The following IKBKB variants were observed in gnomAD, a reference collection of about 807,000 sequenced individuals.
IKBKB encodes the protein inhibitor of nuclear factor kappa-B kinase subunit beta.
A neutral mutation model predicts 113.6 loss-of-function variants in IKBKB; 42 were observed. The ratio of observed to expected loss-of-function variants is 0.37; its 90% confidence interval spans 0.29 to 0.48. The LOEUF is 0.48. Among genes scored for constraint, IKBKB ranks in the 20% least tolerant of loss-of-function variants. IKBKB has a pLI of 0.99. For synonymous variants in IKBKB, 296 were observed against 361.3 expected, an observed-to-expected ratio of 0.82 and a Z score of 2.05; for missense variants, 673 against 939.7, an observed-to-expected ratio of 0.72 and a Z score of 3.71.
chr8:42,272,620 C>T (rs959159559), intron 2 of IKBKB, among the ~76,000 whole-genome samples: 2 of 152,022 alleles, frequency 1.3e-5, no homozygotes, highest in Non-Finnish European at 2.9e-5. Context: ...CATAGCAAGA[C>T]CTCGTCTCTA....
intron 5 of IKBKB, among the ~76,000 whole-genome samples, chr8:42,299,203 G>A (rs17875745): frequency 8.8e-4 from 134 of 152,258 alleles, no homozygotes; most frequent in Middle Eastern, 3.4e-3. Flanking sequence ...CCAAGTGTCC[G>A]TGTCGAACCT....
chr8:42,308,008 C>T (rs921454560), intron 7 of IKBKB, among the ~76,000 whole-genome samples: 3 of 152,228 alleles, frequency 2.0e-5, no homozygotes, highest in Admixed American at 6.5e-5. Context: ...GCCCCTTCTT[C>T]GGTCACCCCA....
chr8:42,309,103 G>A lies in IKBKB; in HGVS notation c.692+78G>A, dbSNP rs774116892. 5.5e-5 allele frequency: 81 copies of A among 1,465,522 alleles called. 1 individual carries two copies. The highest frequency in any genetic ancestry group is 3.8e-4 in the South Asian group (30 of 79,388). The allele number at this position is 1,465,522 out of a possible 1,614,324, so 90.8% of individuals were successfully genotyped here. A position where few individuals can be genotyped will look rare whatever the true frequency, so the allele number is the denominator to read the frequency against. On this transcript the variant is annotated intron_variant, in intron 8 of 21. Transcript: ENST00000520810. ...TCTTCACGTACCCTGTTTCCCTGGC[G>A]CCCCATCACCGGGCCTGGGAGATCT...
chr8:42,305,101 G>A, intron 5 of IKBKB, 86 bp from the exon 6 acceptor site: 1 of 870,902 alleles, frequency 1.1e-6, no homozygotes, highest in South Asian at 1.4e-5. Flanking sequence ...TCAGGGGCAT[G>A]CGGCATTTAT....
chr8:42,277,120 C>T (rs559947840), intron 2 of IKBKB, among the ~76,000 whole-genome samples: 2 of 151,472 alleles, frequency 1.3e-5, no homozygotes, highest in African/African-American at 2.4e-5. Flanking sequence ...TCCGCCTGCT[C>T]GGCCTCCCAA....
At position 42,331,787 on chromosome 8, in the gene IKBKB, C is replaced by CCTG; in HGVS notation, c.*808_*809insCTG. 3.3e-6 allele frequency: 1 copy of CCTG among 301,468 alleles called. No homozygotes were observed. Among genetic ancestry groups the CCTG allele is most frequent in the South Asian group, 3.3e-5 (1 of 30,042 alleles). 18.7% of individuals were successfully genotyped at this position (301,468 alleles called of 1,614,324 possible). On this transcript the variant is annotated 3_prime_UTR_variant, in exon 22 of 22. Coordinates refer to ENST00000520810, the MANE Select transcript of IKBKB (RefSeq NM_001556.3). Reference sequence around the variant, plus strand: ...AGAGGAGGGACAGAAAGGGTATCTGCTGACCACCAGCCTGCCTACCCATGC... The same window carrying CCTG: ...AGAGGAGGGACAGAAAGGGTATCTGCCTGTGACCACCAGCCTGCCTACCCATGC...
chr8:42,296,186 ATCT>A (rs1343513648), intron 5 of IKBKB, among the ~76,000 whole-genome samples: 3 of 152,210 alleles, frequency 2.0e-5, no homozygotes, highest in Non-Finnish European at 4.4e-5. Context: ...GCAGTATATA[ATCT>A]TCTCTATAAA....
chr8:42,288,927 CA>C (rs1191362941), intron 3 of IKBKB, among the ~76,000 whole-genome samples, 199 bp downstream of exon 3: 1 of 152,072 alleles, frequency 6.6e-6, no homozygotes, highest in East Asian at 1.9e-4. Flanking sequence ...ACTAAAAATA[CA>C]AAAAATTAGC....
intron 4 of IKBKB, among the ~76,000 whole-genome samples, chr8:42,291,668 T>A (rs560832773): frequency 2.2e-4 from 33 of 151,888 alleles, no homozygotes; most frequent in African/African-American, 3.6e-4. Context: ...TAAAAAAAAA[T>A]TTTTTTTTCC....
At chr8:42,289,309 A>AG (rs1812080582) in intron 3 of IKBKB, among the ~76,000 whole-genome samples, 1 of 152,228 alleles carries the variant, frequency 6.6e-6, no homozygotes, top group Non-Finnish European at 1.5e-5. Flanking sequence ...AAGACACCAG[A>AG]GGAAGAGCAG....
At chr8:42,306,314 C>T in intron 6 of IKBKB, 29 bp from the exon 7 acceptor site, 1 of 1,359,376 alleles carries the variant, frequency 7.4e-7, no homozygotes, top group African/African-American at 1.4e-5. Context: ...TTCTTATAAC[C>T]CTCAGCTTTC....
At chr8:42,321,573 G>A (rs1264552004) in intron 16 of IKBKB, 4 of 261,878 alleles carry the variant, frequency 1.5e-5, no homozygotes, top group Non-Finnish European at 2.9e-5. Context: ...CAATGCTGGA[G>A]TGCAGTGGCA....
In IKBKB at chr8:42,271,368, T is replaced by G; in HGVS notation, c.-120T>G. On this transcript the variant is annotated 5_prime_UTR_variant, in exon 1 of 22. Transcript: ENST00000520810. ...CTGCCCGCGTTAAGATTCCCGCATTTTAATGTTTTCAGGGGGGTGTCATAG... is the reference window on the plus strand; with the variant it reads ...CTGCCCGCGTTAAGATTCCCGCATTGTAATGTTTTCAGGGGGGTGTCATAG... 6.7e-7 allele frequency: 1 copy of G among 1,488,396 alleles called. No individual in the cohort carries two copies. The highest frequency in any genetic ancestry group is 9.1e-7 in the Non-Finnish European group (1 of 1,104,376). The allele number at this position is 1,488,396 out of a possible 1,614,324, so 92.2% of individuals were successfully genotyped here.
Position 42,305,288 on chromosome 8 carries a change from C to G in IKBKB, c.477+13C>G. The stretch of plus-strand genomic sequence containing the variant: ...AGGAGAACAGAGGGTAAGTGACCTC[C>G]TGGGACTGGGAAAGCCTCAGGTGGG... On this transcript the variant is annotated intron_variant, in intron 6 of 21. Transcript: ENST00000520810. 1.3e-6 allele frequency: 2 copies of G among 1,577,442 alleles called. No homozygotes were observed. The highest frequency in any genetic ancestry group is 1.7e-6 in the Non-Finnish European group (2 of 1,147,024).
At chr8:42,287,951 C>A (rs960150611) in intron 2 of IKBKB, among the ~76,000 whole-genome samples, 1 of 152,096 alleles carries the variant, frequency 6.6e-6, no homozygotes, top group Non-Finnish European at 1.5e-5. Context: ...TCAGCAGTGT[C>A]CCATGGGTCA....
chr8:42,322,370 AG>A lies in IKBKB; in HGVS notation c.1864del (p.Ala622ArgfsTer12). On this transcript the variant is annotated frameshift_variant, in exon 19 of 22. Coordinates refer to ENST00000520810, the MANE Select transcript of IKBKB (RefSeq NM_001556.3). LOFTEE classifies it high-confidence loss of function. ...AGTAAAACTGTGGTTTGCAAGCAGA[AG>A]GCGCTGGAACTGTTGCCCAAGGTGG... ...QLSKTVVCKQ[K>X]ALELLPKVEE... The A allele has an allele frequency of 6.2e-7, 1 of 1,613,866 alleles. No individual in the cohort carries two copies. The highest frequency in any genetic ancestry group is 8.5e-7 in the Non-Finnish European group (1 of 1,179,992).
rs1021302959 is a variant in IKBKB at position 42,303,120 on chromosome 8, TGA to T, written c.389-2051_389-2050del. Among the ~76,000 whole-genome samples the T allele has an allele frequency of 9.1e-4, 58 of 63,656 alleles. 2 individuals carry two copies. In the South Asian group the frequency reaches 0.012, roughly 13 times the overall value. 41.8% of individuals were successfully genotyped at this position (63,656 alleles called of 152,430 possible). ...GAGAGAGAGAGAGAGAGAGAGAGAA[TGA>T]GAGAGAGAGAGAGAGGAGAGAGAAT... On this transcript the variant is annotated intron_variant, in intron 5 of 21. Transcript: ENST00000520810.
chr8:42,292,018 G>T (rs962266379), intron 4 of IKBKB, among the ~76,000 whole-genome samples: 4 of 152,168 alleles, frequency 2.6e-5, no homozygotes, highest in Admixed American at 6.5e-5. Context: ...TGCTGGAGTG[G>T]CTCTCCCTGG....
chr8:42,330,962 C>T lies in IKBKB; in HGVS notation c.2254C>T (p.Leu752=). ...GACGGAAGAAGAAGAGCACAGCTGC[C>T]TGGAGCAGGCCTCATGATGTGGGGG... The part of the protein sequence containing the change: ...LQTEEEEHSC[L]EQAS Residue 752 remains leucine (L), a synonymous_variant, in exon 22 of 22, where the codon CTG becomes TTG. Coordinates refer to ENST00000520810, the MANE Select transcript of IKBKB (RefSeq NM_001556.3). 2 of 1,614,192 alleles carry T rather than the reference C, an allele frequency of 1.2e-6. No individual in the cohort carries two copies. Among genetic ancestry groups the T allele is most frequent in the South Asian group, 1.1e-5 (1 of 91,078 alleles).
Sources: allele counts gnomAD v4.1 joint callset (sites outside exome capture counted in the v4.1 genomes callset), GRCh38; gene constraint gnomAD v4.1.1; transcripts MANE v1.5; gene names NCBI Gene and HGNC (gene_info 2026-07-23, HGNC 2026-07-21).